The following GAS6 variants were observed in gnomAD, a reference collection of about 807,000 sequenced individuals.
GAS6 encodes the protein growth arrest-specific protein 6.
GAS6 carries 41 observed loss-of-function variants against 75.8 expected under a neutral mutation model. The ratio of observed to expected loss-of-function variants is 0.54; its 90% CI spans 0.42 to 0.70. The LOEUF (loss-of-function observed/expected upper bound fraction) is 0.70. Among genes scored for constraint, GAS6 ranks in the 30% least tolerant of loss-of-function variants. The pLI is 0.00. For missense variants in GAS6, 854 were observed against 940.2 expected, an observed-to-expected ratio of 0.91 and a Z score of 1.20; for synonymous variants, 432 against 412.6, an observed-to-expected ratio of 1.05 and a Z score of -0.57.
In GAS6 at chr13:113,839,724, G is replaced by A. The variant is rs562008617; in HGVS notation, c.466+4C>T. ...ACCCCGCCTTTGTCTTCAGCCTCAC[G>A]TACCTTTGTCGCAGAGCCGGCCCCC... On this transcript the variant is annotated splice_donor_region_variant and intron_variant, in intron 5 of 14. Transcript: ENST00000327773. 2.5e-5 allele frequency: 41 copies of A among 1,613,630 alleles called. No homozygotes were observed. Among genetic ancestry groups the A allele is most frequent in the African/African-American group, 5.3e-5 (4 of 75,038 alleles).
intron 8 of GAS6, chr13:113,833,481 T>A: frequency 1.1e-5 from 11 of 990,322 alleles, no homozygotes; most frequent in Non-Finnish European, 1.3e-5. Flanking sequence ...CTCACTCTCA[T>A]CAACCCCCAG....
chr13:113,829,475 A>T (rs113036939), intron 10 of GAS6, among the ~76,000 whole-genome samples: 1 of 51,638 alleles, frequency 1.9e-5, no homozygotes, highest in African/African-American at 1.4e-4. Context: ...GGGAGACCAC[A>T]TGATCCTCAC....
chr13:113,826,427 C>CTCGGCT (rs150471240), intron 12 of GAS6, among the ~76,000 whole-genome samples: 6,780 of 125,282 alleles, frequency 0.054, 641 homozygotes, highest in East Asian at 0.31. Context: ...CGGCGCTGGC[C>CTCGGCT]TCGCAGGCAC....
In GAS6 at chr13:113,839,722, A is replaced by T. The variant is rs543740345; in HGVS notation, c.466+6T>A. On this transcript the variant is annotated splice_donor_region_variant and intron_variant, in intron 5 of 14. Transcript: ENST00000327773. The stretch of plus-strand genomic sequence containing the variant: ...AGACCCCGCCTTTGTCTTCAGCCTC[A>T]CGTACCTTTGTCGCAGAGCCGGCCC... The T allele has an allele frequency of 1.9e-6, 3 of 1,613,620 alleles. No individual in the cohort carries two copies. In the South Asian group the frequency reaches 3.3e-5, roughly 18 times the overall value.
chr13:113,840,061 A>C (rs2051760019), intron 4 of GAS6: 1 of 619,292 alleles, frequency 1.6e-6, no homozygotes, highest in African/African-American at 1.9e-5. Context: ...GGCTCCAGGA[A>C]AACTCAGATC....
intron 14 of GAS6, chr13:113,821,685 G>T (rs981284228): frequency 1.1e-5 from 5 of 473,838 alleles, no homozygotes; most frequent in Non-Finnish European, 1.5e-5. Context: ...GGGTGTGGAC[G>T]AATGCTCCCT....
intron 2 of GAS6, among the ~76,000 whole-genome samples, chr13:113,852,072 C>T (rs1165011296): frequency 1.3e-5 from 2 of 152,268 alleles, no homozygotes; most frequent in East Asian, 3.8e-4. Flanking sequence ...TGAAGCAGGG[C>T]AGGTGCTCGG....
chr13:113,835,985 C>CCG (rs1437777919), intron 6 of GAS6: 7 of 1,063,980 alleles, frequency 6.6e-6, no homozygotes, highest in Non-Finnish European at 7.9e-6. Flanking sequence ...AGTAACCCCC[C>CCG]GGGGGCATTT....
At position 113,839,858 on chromosome 13, in the gene GAS6, G is replaced by A. The variant is rs768934235; in HGVS notation, c.344-8C>T. The stretch of plus-strand genomic sequence containing the variant: ...TGCACTGGTCAGGCAGGTCTGATTG[G>A]GGACACAAAGTGGAAAATCATGTTC... On this transcript the variant is annotated splice_region_variant and splice_polypyrimidine_tract_variant and intron_variant, in intron 4 of 14. Transcript: ENST00000327773. 1.5e-5 allele frequency: 24 copies of A among 1,613,476 alleles called. No homozygotes were observed. Among genetic ancestry groups the A allele is most frequent in the Non-Finnish European group, 1.9e-5 (23 of 1,179,894 alleles).
rs773643651 is a variant in GAS6, at chr13:113,827,209, C to G, written c.1309-45G>C. ...TCCGTGGCTTCCTGGGAGCGAGAAG[C>G]CCCATGCCGGATGCCCCAGTCGGTG... On this transcript the variant is annotated intron_variant, in intron 11 of 14. Coordinates refer to ENST00000327773, the MANE Select transcript of GAS6 (RefSeq NM_000820.4). 13 of 1,593,122 alleles carry G rather than the reference C, an allele frequency of 8.2e-6. No individual in the cohort carries two copies. In the South Asian group the frequency reaches 1.4e-4, roughly 18 times the overall value.
chr13:113,852,481 G>C (rs572717842), intron 2 of GAS6, among the ~76,000 whole-genome samples: 1 of 152,306 alleles, frequency 6.6e-6, no homozygotes, highest in South Asian at 2.1e-4. Flanking sequence ...ACAGGAGCCT[G>C]GTCTGGCTGG....
chr13:113,827,794 G>A (rs1488147350), intron 11 of GAS6, among the ~76,000 whole-genome samples: 9 of 152,326 alleles, frequency 5.9e-5, no homozygotes, highest in South Asian at 2.1e-4. Flanking sequence ...ACGTCAGCAC[G>A]TGGGGGCTGG....
chr13:113,835,429 T>A lies in GAS6; in HGVS notation c.712+84A>T, dbSNP rs538945861. On this transcript the variant is annotated intron_variant, in intron 7 of 14. Coordinates refer to ENST00000327773, the MANE Select transcript of GAS6 (RefSeq NM_000820.4). ...TCTTTCACCAGAAGCACCCGGTTGT[T>A]AGCAACCGGCTCGGGCAGTGACTGG... 3.2e-5 allele frequency: 48 copies of A among 1,518,604 alleles called. No homozygotes were observed. The African/African-American group carries it at 5.5e-4, about 17-fold the overall frequency. 94.1% of individuals were successfully genotyped at this position (1,518,604 alleles called of 1,614,324 possible).
chr13:113,847,583 T>C (rs1176648986), intron 3 of GAS6: 9 of 185,534 alleles, frequency 4.9e-5, no homozygotes, highest in Non-Finnish European at 9.8e-5. Flanking sequence ...ATTCCCGTTC[T>C]TCAAATTAAA....
chr13:113,855,960 T>C (rs1254704883), intron 2 of GAS6, among the ~76,000 whole-genome samples: 2 of 152,176 alleles, frequency 1.3e-5, no homozygotes, highest in African/African-American at 2.4e-5. Flanking sequence ...CCGGGACACA[T>C]GTCTCTCTAG....
rs1037399123 is a variant in GAS6 at position 113,848,139 on chromosome 13, G to T, written c.256-89C>A. 33 of 1,445,856 alleles carry T rather than the reference G, an allele frequency of 2.3e-5. No individual in the cohort carries two copies. The highest frequency in any genetic ancestry group is 2.9e-5 in the Non-Finnish European group (30 of 1,047,308). The allele number at this position is 1,445,856 out of a possible 1,614,324, so 89.6% of individuals were successfully genotyped here. A position where few individuals can be genotyped will look rare whatever the true frequency, so the allele number is the denominator to read the frequency against. On this transcript the variant is annotated intron_variant, in intron 2 of 14. Coordinates refer to ENST00000327773, the MANE Select transcript of GAS6 (RefSeq NM_000820.4). The surrounding 1 kb of genome is among the most constrained non-coding windows in gnomAD (Gnocchi z 4.8). ...ATAAGCATCAGCTGGTTAATCAGAG[G>T]CTGCTCTCGGGGCAGCCAGAGGGCC...
intron 7 of GAS6, 144 bp from the exon 8 acceptor site, chr13:113,834,816 C>T (rs1412485617): frequency 1.3e-5 from 11 of 860,718 alleles, no homozygotes; most frequent in Admixed American, 3.4e-5. Context: ...TTGGGGGTCG[C>T]GTCCCCCCCC....
In GAS6 at chr13:113,837,465, G is replaced by A. The variant is rs1319118763; in HGVS notation, c.589+604C>T. 6.6e-6 allele frequency among the ~76,000 whole-genome samples: 1 copy of A among 152,162 alleles called. No individual in the cohort carries two copies. The highest frequency in any genetic ancestry group is 6.5e-5 in the Admixed American group (1 of 15,280). Reference sequence around the variant, plus strand: ...CCAGATACAACGTGGGGAGGGAGGAGGAAGGTGCTCCCCCTGCAAAGTGGC... The same window carrying A: ...CCAGATACAACGTGGGGAGGGAGGAAGAAGGTGCTCCCCCTGCAAAGTGGC... On this transcript the variant is annotated intron_variant, in intron 6 of 14. Coordinates refer to ENST00000327773, the MANE Select transcript of GAS6 (RefSeq NM_000820.4). The surrounding 1 kb of genome is among the most constrained non-coding windows in gnomAD (Gnocchi z 5.1).
rs1383864759 is a variant in GAS6 at position 113,846,898 on chromosome 13, C to A, written c.281-309G>T. 6.2e-6 allele frequency: 3 copies of A among 487,318 alleles called. No individual in the cohort carries two copies. The Admixed American group carries it at 7.9e-5, about 13-fold the overall frequency. The allele number at this position is 487,318 out of a possible 1,614,324, so 30.2% of individuals were successfully genotyped here. On this transcript the variant is annotated intron_variant, in intron 3 of 14. Coordinates refer to ENST00000327773, the MANE Select transcript of GAS6 (RefSeq NM_000820.4). The stretch of plus-strand genomic sequence containing the variant: ...AATCACCGGGAATGCTCAGTAAGTT[C>A]CTGACGGTACTCGAAAAGCTAAACT...
Sources: allele counts gnomAD v4.1 joint callset (sites outside exome capture counted in the v4.1 genomes callset), GRCh38; gene constraint gnomAD v4.1.1; non-coding constraint Gnocchi (gnomAD v3.1); transcripts MANE v1.5; gene names NCBI Gene and HGNC (gene_info 2026-07-23, HGNC 2026-07-21).